CARF: variants seen among roughly 807,000 people sequenced by gnomAD.
The protein encoded by CARF is calcium-responsive transcription factor.
A neutral mutation model predicts 82.0 loss-of-function variants in CARF; 57 were observed. The ratio of observed to expected loss-of-function variants is 0.70; its 90% confidence interval spans 0.56 to 0.87. CARF has a LOEUF of 0.87. Among genes scored for constraint, CARF ranks in the 40% least tolerant of loss-of-function variants. CARF has a pLI of 0.00. For missense variants in CARF, 771 were observed against 855.8 expected (o/e 0.90, Z 1.24); for synonymous variants, 268 against 290.1 (o/e 0.92, Z 0.77).
intron 8 of CARF, among the ~76,000 whole-genome samples, chr2:202,958,573 G>T (rs1031892039): frequency 6.6e-6 from 1 of 152,006 alleles, no homozygotes; most frequent in Non-Finnish European, 1.5e-5. Flanking sequence ...TTCTTTCCCA[G>T]TGAGGGGTTC....
chr2:202,970,296 C>T (rs1474540480), intron 11 of CARF, among the ~76,000 whole-genome samples: 1 of 152,166 alleles, frequency 6.6e-6, no homozygotes, highest in Non-Finnish European at 1.5e-5. Flanking sequence ...TACTGTATAG[C>T]ATATACTCTG....
At chr2:202,924,527 T>A (rs1026044900) in intron 3 of CARF, 112 bp downstream of exon 3, 1 of 152,242 alleles carries the variant, frequency 6.6e-6, no homozygotes, top group African/African-American at 2.4e-5. Context: ...AAAAAGCAAT[T>A]GACTACCACC....
At chr2:202,949,231 G>T (rs2058642773) in intron 5 of CARF, among the ~76,000 whole-genome samples, 1 of 151,706 alleles carries the variant, frequency 6.6e-6, no homozygotes, top group South Asian at 2.1e-4. Flanking sequence ...CTACTCAGGA[G>T]GCTGAGGCAG....
At chr2:202,920,126 A>G (rs1255783682) in intron 2 of CARF, among the ~76,000 whole-genome samples, 2 of 151,576 alleles carry the variant, frequency 1.3e-5, no homozygotes, top group Non-Finnish European at 2.9e-5. Context: ...AATACATTCT[A>G]TTTTATAACT....
At chr2:202,980,289 G>A (rs2060195519) in intron 14 of CARF, among the ~76,000 whole-genome samples, 1 of 151,978 alleles carries the variant, frequency 6.6e-6, no homozygotes, top group African/African-American at 2.4e-5. Context: ...TTAAAGAGAT[G>A]AATATATTTG....
chr2:202,916,205 A>G (rs1689614570), intron 1 of CARF, among the ~76,000 whole-genome samples: 1 of 147,872 alleles, frequency 6.8e-6, no homozygotes, highest in South Asian at 2.1e-4. Context: ...TTTTTGAGAC[A>G]GAGTCTCACT....
intron 3 of CARF, among the ~76,000 whole-genome samples, chr2:202,933,470 G>A (rs1693331343): frequency 6.6e-6 from 1 of 152,128 alleles, no homozygotes; most frequent in South Asian, 2.1e-4. Flanking sequence ...GAAGACTGCA[G>A]GGAACCTCAG....
chr2:202,917,473 A>G (rs1241891132), intron 1 of CARF, among the ~76,000 whole-genome samples: 1 of 152,014 alleles, frequency 6.6e-6, no homozygotes, highest in Non-Finnish European at 1.5e-5. Context: ...TAAGCCTGTC[A>G]ATTCTAGGGT....
At chr2:202,960,696 G>A (rs1367369419) in intron 8 of CARF, among the ~76,000 whole-genome samples, 2 of 150,246 alleles carry the variant, frequency 1.3e-5, no homozygotes, top group Admixed American at 6.7e-5. Context: ...CTGCCTTCCT[G>A]CCTTCCCACC....
At chr2:202,973,482 C>A in intron 12 of CARF, 2 of 433,218 alleles carry the variant, frequency 4.6e-6, no homozygotes. Context: ...AAAATTCAAG[C>A]CCATCATATT....
intron 2 of CARF, among the ~76,000 whole-genome samples, chr2:202,923,591 C>T (rs941806051): frequency 1.3e-5 from 2 of 152,104 alleles, no homozygotes; most frequent in East Asian, 3.9e-4. Context: ...ATCAAAATAC[C>T]ACCATCATTC....
chr2:202,947,607 C>T (rs748770967), intron 5 of CARF, among the ~76,000 whole-genome samples: 3 of 152,112 alleles, frequency 2.0e-5, no homozygotes, highest in Non-Finnish European at 4.4e-5. Context: ...AACAAACTTG[C>T]ACGTTCAGCA....
chr2:202,948,173 C>G (rs989167554), intron 5 of CARF, among the ~76,000 whole-genome samples: 6 of 151,970 alleles, frequency 3.9e-5, no homozygotes, highest in Admixed American at 1.3e-4. Context: ...AGGTGTGCAG[C>G]CTTGTTTCTG....
chr2:202,941,621 T>G (rs1374321215), intron 3 of CARF, among the ~76,000 whole-genome samples: 1 of 152,186 alleles, frequency 6.6e-6, no homozygotes, highest in Non-Finnish European at 1.5e-5. Context: ...AGTACAGAAG[T>G]GTAGTTAAAG....
rs567444802 is a variant in CARF, at chr2:202,929,792, T to C, written c.-44+5377T>C. Among the ~76,000 whole-genome samples the C allele has an allele frequency of 2.0e-5, 3 of 152,218 alleles. No homozygotes were observed. In the South Asian group the frequency reaches 6.2e-4, roughly 32 times the overall value. ...GTTTTTTTAAGAGATAGGGTCTTGC[T>C]ACAGTACCCAGACTGGCCTTGGAAT... On this transcript the variant is annotated intron_variant, in intron 3 of 16. Coordinates refer to ENST00000438828, the MANE Select transcript of CARF (RefSeq NM_024744.17).
intron 7 of CARF, among the ~76,000 whole-genome samples, chr2:202,954,369 T>C (rs2058926266): frequency 6.6e-6 from 1 of 152,214 alleles, no homozygotes; most frequent in Admixed American, 6.5e-5. Context: ...TGAAACAGTA[T>C]GAAAATTTTA....
At chr2:202,918,842 C>T (rs922324281) in intron 2 of CARF, among the ~76,000 whole-genome samples, 4 of 152,048 alleles carry the variant, frequency 2.6e-5, no homozygotes, top group African/African-American at 9.7e-5. Context: ...CCAACTTTTC[C>T]GTATAGAAAC....
chr2:202,966,941 A>G, intron 9 of CARF, 37 bp from the exon 10 acceptor site: 1 of 1,604,758 alleles, frequency 6.2e-7, no homozygotes, highest in East Asian at 2.2e-5. Context: ...ATAGATGGAC[A>G]CTTGAATTAA....
Position 202,940,123 on chromosome 2 carries a change from T to A in CARF, c.-43-1737T>A, listed in dbSNP as rs375601088. On this transcript the variant is annotated intron_variant, in intron 3 of 16. Transcript: ENST00000438828. ...ATCTCAGCTCACTGCAACCTCCACC[T>A]CCTGGGTTTAAGCAATTCTTCTGCC... is the stretch of plus-strand genomic sequence containing the variant. 5.1e-3 allele frequency among the ~76,000 whole-genome samples: 775 copies of A among 152,254 alleles called. 4 individuals carry two copies. Among genetic ancestry groups the A allele is most frequent in the African/African-American group, 0.017 (717 of 41,540 alleles).
Sources: allele counts gnomAD v4.1 joint callset (sites outside exome capture counted in the v4.1 genomes callset), GRCh38; gene constraint gnomAD v4.1.1; transcripts MANE v1.5; gene names NCBI Gene and HGNC (gene_info 2026-07-23, HGNC 2026-07-21).